The following BTBD9 variants were observed in gnomAD, a reference collection of about 807,000 sequenced individuals.
BTBD9 encodes BTB/POZ domain-containing protein 9.
BTBD9 carries 49 observed loss-of-function variants against 64.3 expected under a neutral mutation model. That is an observed-to-expected ratio of 0.76 (90% CI 0.61 to 0.97). The LOEUF is 0.97. Among genes scored for constraint, BTBD9 ranks in the 50% least tolerant of loss-of-function variants. The probability of loss-of-function intolerance (pLI) is 0.00; values close to 1 mark genes in which losing one functional copy is unlikely to be tolerated. For synonymous variants in BTBD9, 260 were observed against 274.7 expected (o/e 0.95, Z 0.53); for missense variants, 598 against 762.1 (o/e 0.78, Z 2.53).
chr6:38,270,844 A>G (rs1196144166), intron 8 of BTBD9, among the ~76,000 whole-genome samples: 1 of 152,210 alleles, frequency 6.6e-6, no homozygotes, highest in Non-Finnish European at 1.5e-5. Flanking sequence ...TGTGTAATGA[A>G]TAGCAGTAGT....
intron 6 of BTBD9, among the ~76,000 whole-genome samples, chr6:38,574,073 A>G (rs1248006222): frequency 6.6e-6 from 1 of 152,236 alleles, no homozygotes; most frequent in Non-Finnish European, 1.5e-5. Context: ...TTAAAGGCTG[A>G]AGAGGATAAC....
At position 38,387,540 on chromosome 6, in the gene BTBD9, A is replaced by C. The variant is rs1461169572; in HGVS notation, c.1155-42447T>G. Among the ~76,000 whole-genome samples the C allele has an allele frequency of 2.0e-5, 3 of 152,310 alleles. No individual in the cohort carries two copies. The East Asian group carries it at 5.8e-4, about 29-fold the overall frequency. On this transcript the variant is annotated intron_variant, in intron 6 of 10. Coordinates refer to ENST00000481247, the MANE Select transcript of BTBD9 (RefSeq NM_001099272.2). Reference sequence around the variant, plus strand: ...CAAGAAGAGCAAAACTCCACCTCAAAAAAACCCAAAACAACAATAACAATA... The same window carrying C: ...CAAGAAGAGCAAAACTCCACCTCAACAAAACCCAAAACAACAATAACAATA...
At chr6:38,444,177 A>G (rs1769169626) in intron 6 of BTBD9, among the ~76,000 whole-genome samples, 1 of 152,304 alleles carries the variant, frequency 6.6e-6, no homozygotes, top group African/African-American at 2.4e-5. Flanking sequence ...TCCCCTGGCC[A>G]TGTGTCTTCA....
intron 7 of BTBD9, among the ~76,000 whole-genome samples, chr6:38,302,414 G>A (rs1762437724): frequency 6.8e-6 from 1 of 148,004 alleles, no homozygotes; most frequent in South Asian, 2.1e-4. Flanking sequence ...TTATCTCCAG[G>A]TTCTTCCATG....
intron 6 of BTBD9, among the ~76,000 whole-genome samples, chr6:38,359,713 G>A (rs1417322024): frequency 2.3e-4 from 35 of 152,116 alleles, no homozygotes; most frequent in Admixed American, 6.5e-5. Context: ...GGAAGGAAAG[G>A]TGGGGGAAAG....
At position 38,288,406 on chromosome 6, in the gene BTBD9, G is replaced by C. The variant is rs1345290254; in HGVS notation, c.1320C>G (p.Val440=). ...IADCASVIEG[V]SRSRNALLNG... The stretch of plus-strand genomic sequence containing the variant: ...TCAGCAAGGCATTTCGGCTCCGACT[G>C]ACTCCTTCAATCACACTGGCACAAT... The change falls in exon 8 of 11, where the codon GTC becomes GTG. Residue 440 remains valine (V), a synonymous_variant. Transcript: ENST00000481247. The C allele has an allele frequency of 6.8e-6, 11 of 1,614,002 alleles. No homozygotes were observed. The highest frequency in any genetic ancestry group is 9.3e-6 in the Non-Finnish European group (11 of 1,179,970).
chr6:38,424,148 A>G lies in BTBD9; in HGVS notation c.1155-79055T>C, dbSNP rs144850954. 7.5e-4 allele frequency among the ~76,000 whole-genome samples: 114 copies of G among 152,160 alleles called. 2 individuals carry two copies. In the East Asian group the frequency reaches 0.017, roughly 22 times the overall value. ...CTAATGAAAACTTGTGAATGACTGA[A>G]TGAGTTTCAAGTGGATTATATTTCC... On this transcript the variant is annotated intron_variant, in intron 6 of 10. Coordinates refer to ENST00000481247, the MANE Select transcript of BTBD9 (RefSeq NM_001099272.2).
chr6:38,382,189 C>T (rs906910895), intron 6 of BTBD9, among the ~76,000 whole-genome samples: 2 of 152,186 alleles, frequency 1.3e-5, no homozygotes, highest in African/African-American at 4.8e-5. Context: ...TCTCCCACAA[C>T]ACCTTAGATT....
rs370529081 is a variant in BTBD9, at chr6:38,528,785, C to G, written c.1154+48815G>C. On this transcript the variant is annotated intron_variant, in intron 6 of 10. Transcript: ENST00000481247. Reference sequence around the variant, plus strand: ...TAATTAACAGGAATAGCCAGGCAGGCAGTACTCATTGTGGGCCTTGGGTAA... The same window carrying G: ...TAATTAACAGGAATAGCCAGGCAGGGAGTACTCATTGTGGGCCTTGGGTAA... Among the ~76,000 whole-genome samples, 36 of 152,178 alleles carry G rather than the reference C, an allele frequency of 2.4e-4. No individual in the cohort carries two copies. In the South Asian group the frequency reaches 5.6e-3, roughly 24 times the overall value.
intron 7 of BTBD9, among the ~76,000 whole-genome samples, chr6:38,313,405 C>T (rs1762914112): frequency 6.6e-6 from 1 of 152,160 alleles, no homozygotes; most frequent in Non-Finnish European, 1.5e-5. Flanking sequence ...CTAGGACTTC[C>T]ACTACTATGT....
chr6:38,630,518 G>A (rs1778327079), intron 1 of BTBD9, among the ~76,000 whole-genome samples: 1 of 152,204 alleles, frequency 6.6e-6, no homozygotes, highest in Admixed American at 6.5e-5. Flanking sequence ...GGCAAAAGGA[G>A]AGAGAGAAGG....
Position 38,174,932 on chromosome 6 carries a change from C to A in BTBD9, c.*53G>T. The A allele has an allele frequency of 2.5e-6, 4 of 1,595,170 alleles. No homozygotes were observed. Among genetic ancestry groups the A allele is most frequent in the Non-Finnish European group, 3.4e-6 (4 of 1,169,718 alleles). On this transcript the variant is annotated 3_prime_UTR_variant, in exon 11 of 11. Coordinates refer to ENST00000481247, the MANE Select transcript of BTBD9 (RefSeq NM_001099272.2). ...AGAGACCCCTGCTCAGGGAGGAGACCGTTTCCTGCCGTTGCCCGAGCCCAC... is the reference window on the plus strand; with the variant it reads ...AGAGACCCCTGCTCAGGGAGGAGACAGTTTCCTGCCGTTGCCCGAGCCCAC...
intron 9 of BTBD9, among the ~76,000 whole-genome samples, chr6:38,254,137 C>T (rs917974646): frequency 4.6e-5 from 7 of 151,294 alleles, no homozygotes. Context: ...GTGGCTGATG[C>T]TGAGGAGGAC....
chr6:38,174,867 G>T lies in BTBD9; in HGVS notation c.*118C>A. The T allele has an allele frequency of 8.3e-7, 1 of 1,204,314 alleles. No individual in the cohort carries two copies. Among genetic ancestry groups the T allele is most frequent in the Middle Eastern group, 2.9e-4 (1 of 3,414 alleles). The allele number at this position is 1,204,314 out of a possible 1,614,324, so 74.6% of individuals were successfully genotyped here. On this transcript the variant is annotated 3_prime_UTR_variant, in exon 11 of 11. Coordinates refer to ENST00000481247, the MANE Select transcript of BTBD9 (RefSeq NM_001099272.2). ...CGGTGTCTGCTTTTGCAGCTAGGTC[G>T]GCTCCTCCCTGGAAAGGGGCAGAGG...
chr6:38,584,202 T>C (rs567335763), intron 4 of BTBD9, among the ~76,000 whole-genome samples: 1 of 152,074 alleles, frequency 6.6e-6, no homozygotes, highest in Non-Finnish European at 1.5e-5. Context: ...GTAGTACATG[T>C]CTATAATCCC....
rs571649487 is a variant in BTBD9, at chr6:38,325,456, C to A, written c.1264+19528G>T. ...ATCCCAGCACTTTGGGAGGCCGAGG[C>A]GGGCGGATCATGAGGTCAGGAGATT... On this transcript the variant is annotated intron_variant, in intron 7 of 10. Transcript: ENST00000481247. 5.9e-5 allele frequency among the ~76,000 whole-genome samples: 9 copies of A among 152,248 alleles called. No individual in the cohort carries two copies. In the South Asian group the frequency reaches 1.9e-3, roughly 32 times the overall value.
At chr6:38,307,784 GA>G (rs1762678971) in intron 7 of BTBD9, among the ~76,000 whole-genome samples, 1 of 152,200 alleles carries the variant, frequency 6.6e-6, no homozygotes, top group South Asian at 2.1e-4. Flanking sequence ...GTGATAAGAA[GA>G]GGTTAAAACT....
intron 7 of BTBD9, among the ~76,000 whole-genome samples, chr6:38,323,409 G>A (rs1441232810): frequency 2.0e-5 from 3 of 152,176 alleles, no homozygotes; most frequent in South Asian, 4.1e-4. Flanking sequence ...GGACAGAAGG[G>A]ATAAAGTAGG....
chr6:38,290,182 G>A (rs1362322139), intron 7 of BTBD9, among the ~76,000 whole-genome samples: 1 of 150,058 alleles, frequency 6.7e-6, no homozygotes, highest in Non-Finnish European at 1.5e-5. Flanking sequence ...GAGGGAGAGA[G>A]AGAGGATGAA....
Sources: allele counts gnomAD v4.1 joint callset (sites outside exome capture counted in the v4.1 genomes callset), GRCh38; gene constraint gnomAD v4.1.1; transcripts MANE v1.5; gene names NCBI Gene and HGNC (gene_info 2026-07-23, HGNC 2026-07-21).